Variants in CA10 observed in about 807,000 individuals in gnomAD.
CA10 encodes carbonic anhydrase 10 (inactive).
In CA10, 14 loss-of-function variants were observed where a neutral mutation model predicts 44.2. The ratio of observed to expected loss-of-function variants is 0.32; its 90% CI spans 0.21 to 0.50. The LOEUF (loss-of-function observed/expected upper bound fraction) is 0.50. Ranked by LOEUF, CA10 falls within the 20% of genes least tolerant of loss-of-function variation. The probability of loss-of-function intolerance (pLI) is 0.99; values close to 1 mark genes in which losing one functional copy is unlikely to be tolerated. For missense variants in CA10, 350 were observed against 409.7 expected (o/e 0.85, Z 1.26); for synonymous variants, 159 against 141.6 (o/e 1.12, Z -0.87).
intron 3 of CA10, among the ~76,000 whole-genome samples, chr17:51,894,914 A>C (rs538940124): frequency 5.9e-5 from 9 of 152,234 alleles, no homozygotes; most frequent in African/African-American, 1.7e-4. Flanking sequence ...TGAAGCTGGA[A>C]AGGGACTTGA....
chr17:51,651,161 C>T (rs1913548715), intron 5 of CA10, among the ~76,000 whole-genome samples: 1 of 152,204 alleles, frequency 6.6e-6, no homozygotes, highest in African/African-American at 2.4e-5. Context: ...TCATATCCCA[C>T]TCCTGCCCAC....
intron 1 of CA10, among the ~76,000 whole-genome samples, chr17:52,088,927 A>T (rs1988190224): frequency 6.6e-6 from 1 of 152,224 alleles, no homozygotes; most frequent in South Asian, 2.1e-4. Flanking sequence ...ACTATAGATT[A>T]TATACAAATC....
chr17:51,967,333 G>GAT (rs34446295), intron 2 of CA10, among the ~76,000 whole-genome samples: 70,809 of 147,164 alleles, frequency 0.48, 17,208 homozygotes, highest in African/African-American at 0.54. Flanking sequence ...CATTACTGGA[G>GAT]ATATATATAT....
intron 3 of CA10, among the ~76,000 whole-genome samples, chr17:51,854,469 G>A (rs1978946796): frequency 6.6e-6 from 1 of 152,194 alleles, no homozygotes; most frequent in South Asian, 2.1e-4. Flanking sequence ...TCTATTACTA[G>A]TGGCATGAGT....
rs1008786117 is a variant in CA10 at position 52,086,259 on chromosome 17, A to G, written c.62-13866T>C. On this transcript the variant is annotated intron_variant, in intron 1 of 8. Coordinates refer to ENST00000451037, the MANE Select transcript of CA10 (RefSeq NM_020178.5). ...AGAACAGGCAAACTCTAAAATCTCA[A>G]TGGCATAGTACAAGTTTATTTCTCA... Among the ~76,000 whole-genome samples, 84 of 152,272 alleles carry G rather than the reference A, an allele frequency of 5.5e-4. 1 individual carries two copies. Among genetic ancestry groups the G allele is most frequent in the African/African-American group, 1.8e-3 (74 of 41,562 alleles).
chr17:52,156,836 A>G (rs1421131873), intron 1 of CA10, among the ~76,000 whole-genome samples: 4 of 152,162 alleles, frequency 2.6e-5, no homozygotes, highest in African/African-American at 9.7e-5. Flanking sequence ...GGTGCCTTCA[A>G]TGGGAGGAGC....
At chr17:52,002,871 A>C (rs1178622735) in intron 2 of CA10, among the ~76,000 whole-genome samples, 2 of 151,814 alleles carry the variant, frequency 1.3e-5, no homozygotes, top group African/African-American at 4.8e-5. Context: ...GTGACTGAGA[A>C]GTTTAGTCGA....
At chr17:51,818,592 A>G (rs968667665) in intron 3 of CA10, among the ~76,000 whole-genome samples, 1 of 152,116 alleles carries the variant, frequency 6.6e-6, no homozygotes, top group Non-Finnish European at 1.5e-5. Context: ...TCTCCACACT[A>G]CTTCACTGAC....
intron 4 of CA10, among the ~76,000 whole-genome samples, chr17:51,728,585 T>C (rs2143551593): frequency 6.6e-6 from 1 of 152,322 alleles, no homozygotes; most frequent in Non-Finnish European, 1.5e-5. Context: ...ATTCTGGGCT[T>C]ATGGATTTTT....
chr17:52,145,432 C>T (rs984006262), intron 1 of CA10, among the ~76,000 whole-genome samples: 1 of 152,132 alleles, frequency 6.6e-6, no homozygotes, highest in African/African-American at 2.4e-5. Flanking sequence ...AAAATTAATT[C>T]CTCCATGCCA....
intron 3 of CA10, among the ~76,000 whole-genome samples, chr17:51,901,674 T>C (rs577339575): frequency 2.0e-5 from 3 of 152,236 alleles, no homozygotes; most frequent in African/African-American, 7.2e-5. Flanking sequence ...ATTGCGCCAC[T>C]GCACTCTAGT....
chr17:51,791,430 A>G (rs1906515031), intron 3 of CA10, among the ~76,000 whole-genome samples: 1 of 152,242 alleles, frequency 6.6e-6, no homozygotes, highest in South Asian at 2.1e-4. Context: ...TGCCTGGTGC[A>G]CAGTGGGTGT....
intron 3 of CA10, among the ~76,000 whole-genome samples, chr17:51,774,994 G>C (rs1905763324): frequency 6.6e-6 from 1 of 152,088 alleles, no homozygotes; most frequent in Admixed American, 6.5e-5. Context: ...AGATGGGTAA[G>C]CAGGTTCCCA....
chr17:52,030,956 T>A lies in CA10; in HGVS notation c.136+41363A>T, dbSNP rs113582884. 4.8e-3 allele frequency among the ~76,000 whole-genome samples: 731 copies of A among 152,244 alleles called. 2 individuals are homozygous for A. The highest frequency in any genetic ancestry group is 0.017 in the African/African-American group (690 of 41,544). On this transcript the variant is annotated intron_variant, in intron 2 of 8. Coordinates refer to ENST00000451037, the MANE Select transcript of CA10 (RefSeq NM_020178.5). ...GCCACACTACTGGCATCCCAGGGTA[T>A]CCAGCTTGAGGATATCATGGGACTT...
At chr17:52,060,776 CT>C (rs1987361965) in intron 2 of CA10, among the ~76,000 whole-genome samples, 3 of 152,248 alleles carry the variant, frequency 2.0e-5, no homozygotes, top group Admixed American at 2.0e-4. Context: ...GAAGTATCAC[CT>C]GTTAATCAAA....
At chr17:51,809,760 A>G (rs927963104) in intron 3 of CA10, among the ~76,000 whole-genome samples, 2 of 152,180 alleles carry the variant, frequency 1.3e-5, no homozygotes, top group African/African-American at 4.8e-5. Context: ...GAATGACCCC[A>G]TGATCATGGT....
Position 52,048,042 on chromosome 17 carries a change from AT to A in CA10, c.136+24276del, listed in dbSNP as rs374447250. On this transcript the variant is annotated intron_variant, in intron 2 of 8. Transcript: ENST00000451037. Reference sequence around the variant, plus strand: ...CATCCAATCTCCCACACCCACAAAAATTAAAAAAAAAAAAAACATTTGTTTT... The same window carrying A: ...CATCCAATCTCCCACACCCACAAAAATAAAAAAAAAAAAAACATTTGTTTT... Among the ~76,000 whole-genome samples, 869 of 114,194 alleles carry A rather than the reference AT, an allele frequency of 7.6e-3. 6 individuals are homozygous for A. The highest frequency in any genetic ancestry group is 0.018 in the African/African-American group (675 of 37,318). 74.9% of individuals were successfully genotyped at this position (114,194 alleles called of 152,430 possible). A position where few individuals can be genotyped will look rare whatever the true frequency, so the allele number is the denominator to read the frequency against.
intron 2 of CA10, among the ~76,000 whole-genome samples, chr17:51,936,336 T>C (rs1431337103): frequency 6.6e-6 from 1 of 152,116 alleles, no homozygotes; most frequent in Non-Finnish European, 1.5e-5. Flanking sequence ...TTGGTAAGCA[T>C]GTTGTAGAGA....
At chr17:51,783,733 CAG>C in intron 3 of CA10, among the ~76,000 whole-genome samples, 1 of 152,226 alleles carries the variant, frequency 6.6e-6, no homozygotes, top group Middle Eastern at 3.4e-3. Flanking sequence ...TGAGAATTTC[CAG>C]AGTCAGTTCT....
Sources: gnomAD v4.1 joint callset for allele counts (sites outside exome capture counted in the v4.1 genomes callset) on GRCh38, gnomAD v4.1.1 for gene constraint, MANE v1.5 for transcripts, NCBI Gene and HGNC (gene_info 2026-07-23, HGNC 2026-07-21) for gene names.